The following TMEM178B variants were observed in gnomAD, a reference collection of about 807,000 sequenced individuals.
TMEM178B encodes transmembrane protein 178B.
TMEM178B carries 5 observed loss-of-function variants against 31.0 expected under a neutral mutation model. The ratio of observed to expected loss-of-function variants is 0.16; its 90% CI spans 0.08 to 0.34. TMEM178B has a LOEUF of 0.34. TMEM178B is among the 10% of genes least tolerant of loss of function. TMEM178B has a pLI of 1.00. For synonymous variants in TMEM178B, 164 were observed against 164.0 expected (o/e 1.00, Z 0.00); for missense variants, 275 against 400.3 (o/e 0.69, Z 2.67).
At chr7:141,452,240 TCTC>T (rs1386435591) in intron 3 of TMEM178B, among the ~76,000 whole-genome samples, 2 of 152,186 alleles carry the variant, frequency 1.3e-5, no homozygotes, top group Non-Finnish European at 2.9e-5. Context: ...TTTCTAGACA[TCTC>T]CACCTTTCTG....
intron 1 of TMEM178B, among the ~76,000 whole-genome samples, chr7:141,150,336 C>T (rs147143706): frequency 2.0e-5 from 3 of 152,268 alleles, no homozygotes; most frequent in African/African-American, 7.2e-5. Context: ...AGTCAGGATG[C>T]AATTTTTCCC....
chr7:141,214,717 C>A (rs994705327), intron 2 of TMEM178B, among the ~76,000 whole-genome samples: 1 of 152,032 alleles, frequency 6.6e-6, no homozygotes, highest in Non-Finnish European at 1.5e-5. Context: ...GTGGGGTCTT[C>A]TTTGAGCCCT....
At chr7:141,411,268 G>A (rs1398534644) in intron 2 of TMEM178B, among the ~76,000 whole-genome samples, 3 of 152,160 alleles carry the variant, frequency 2.0e-5, no homozygotes, top group Non-Finnish European at 2.9e-5. Flanking sequence ...TAGGGGTTGA[G>A]GAGAAGATGG....
At chr7:141,234,306 G>A (rs1034277324) in intron 2 of TMEM178B, among the ~76,000 whole-genome samples, 2 of 152,224 alleles carry the variant, frequency 1.3e-5, no homozygotes, top group Admixed American at 6.5e-5. Flanking sequence ...AGGTTAGGAT[G>A]ATCTGGTGAG....
intron 2 of TMEM178B, among the ~76,000 whole-genome samples, chr7:141,310,739 T>C (rs1461630651): frequency 6.6e-6 from 1 of 152,180 alleles, no homozygotes; most frequent in Non-Finnish European, 1.5e-5. Flanking sequence ...GAAGGCAGTG[T>C]AGCAATTACT....
chr7:141,273,659 G>A (rs1308326308), intron 2 of TMEM178B, among the ~76,000 whole-genome samples: 3 of 151,880 alleles, frequency 2.0e-5, no homozygotes, highest in East Asian at 1.9e-4. Context: ...TTATGACTGC[G>A]GAGAGAGTGT....
rs796924511 is a variant in TMEM178B at position 141,477,139 on chromosome 7, T to A, written c.*6353T>A. The A allele has an allele frequency of 3.2e-5, 5 of 154,964 alleles. No individual in the cohort carries two copies. Among genetic ancestry groups the A allele is most frequent in the African/African-American group, 1.2e-4 (5 of 41,654 alleles). The allele number at this position is 154,964 out of a possible 1,614,324, so 9.6% of individuals were successfully genotyped here. A position where few individuals can be genotyped will look rare whatever the true frequency, so the allele number is the denominator to read the frequency against. On this transcript the variant is annotated 3_prime_UTR_variant, in exon 4 of 4. Coordinates refer to ENST00000565468, the MANE Select transcript of TMEM178B (RefSeq NM_001195278.2). ...CATAGACCCTCTCCGTCTGTACCAG[T>A]GCGTCTGTGTTGTGAGCGTGACGAA...
intron 3 of TMEM178B, among the ~76,000 whole-genome samples, chr7:141,469,021 T>C (rs1802194070): frequency 6.6e-6 from 1 of 152,198 alleles, no homozygotes; most frequent in Non-Finnish European, 1.5e-5. Flanking sequence ...TTACTGTTCA[T>C]GTGGTTGACA....
chr7:141,456,459 C>T (rs763725268), intron 3 of TMEM178B, among the ~76,000 whole-genome samples: 1 of 152,138 alleles, frequency 6.6e-6, no homozygotes, highest in Non-Finnish European at 1.5e-5. Flanking sequence ...TCCTGATGTA[C>T]CCCCTGGTCA....
chr7:141,184,964 C>T (rs543288064), intron 1 of TMEM178B, among the ~76,000 whole-genome samples: 21 of 152,330 alleles, frequency 1.4e-4, no homozygotes, highest in African/African-American at 4.6e-4. Flanking sequence ...CTTACTGACC[C>T]TCTGGACGTG....
In TMEM178B at chr7:141,161,736, G is replaced by T. The variant is rs370717509; in HGVS notation, c.383-50855G>T. Among the ~76,000 whole-genome samples, 97 of 152,156 alleles carry T rather than the reference G, an allele frequency of 6.4e-4. 4 individuals carry two copies. Among genetic ancestry groups the T allele is most frequent in the African/African-American group, 2.0e-3 (85 of 41,508 alleles). On this transcript the variant is annotated intron_variant, in intron 1 of 3. Transcript: ENST00000565468. ...GCTGGACAGAACTTGACAACTGTGT[G>T]TGTGTCTGTATAGGTGAGAGAGTGG...
At chr7:141,150,018 C>T (rs1041026950) in intron 1 of TMEM178B, among the ~76,000 whole-genome samples, 1 of 152,052 alleles carries the variant, frequency 6.6e-6, no homozygotes, top group Non-Finnish European at 1.5e-5. Flanking sequence ...GGAAAGAGAG[C>T]AACTGAGGAC....
intron 2 of TMEM178B, among the ~76,000 whole-genome samples, chr7:141,395,493 T>C (rs1178072752): frequency 6.6e-6 from 1 of 152,130 alleles, no homozygotes; most frequent in Admixed American, 6.5e-5. Context: ...ATTGCTCAGT[T>C]TCCAGAGTTT....
chr7:141,440,417 CAG>C (rs1430463961), intron 3 of TMEM178B, among the ~76,000 whole-genome samples: 1 of 152,160 alleles, frequency 6.6e-6, no homozygotes, highest in African/African-American at 2.4e-5. Context: ...AATGTACAGC[CAG>C]AGTTGGGAAC....
At chr7:141,215,838 CTTTTCTTTTCT>C (rs753346784) in intron 2 of TMEM178B, among the ~76,000 whole-genome samples, 3 of 58,272 alleles carry the variant, frequency 5.1e-5, no homozygotes, top group Non-Finnish European at 7.9e-5. Context: ...TTCTTTCTTT[CTTTTCTTTTCT>C]TTTCTTTCTC....
chr7:141,342,572 G>C (rs1799533532), intron 2 of TMEM178B, among the ~76,000 whole-genome samples: 1 of 152,208 alleles, frequency 6.6e-6, no homozygotes, highest in Admixed American at 6.5e-5. Context: ...ACTTGGGCTA[G>C]GCTCACCTGT....
intron 2 of TMEM178B, among the ~76,000 whole-genome samples, chr7:141,219,228 G>A (rs527780188): frequency 1.3e-5 from 2 of 152,174 alleles, no homozygotes; most frequent in Admixed American, 6.5e-5. Flanking sequence ...AGAGGAATCC[G>A]AGGGTGAGGG....
At chr7:141,351,180 A>G (rs1397984533) in intron 2 of TMEM178B, among the ~76,000 whole-genome samples, 1 of 152,238 alleles carries the variant, frequency 6.6e-6, no homozygotes, top group Non-Finnish European at 1.5e-5. Context: ...AAGATAGTCC[A>G]TCTTTAGCTT....
intron 1 of TMEM178B, among the ~76,000 whole-genome samples, chr7:141,180,163 C>A (rs184743557): frequency 2.6e-5 from 4 of 152,170 alleles, no homozygotes; most frequent in Non-Finnish European, 1.5e-5. Context: ...AATTGATGGC[C>A]GTGTTTTAAA....
Sources: allele counts gnomAD v4.1 joint callset (sites outside exome capture counted in the v4.1 genomes callset), GRCh38; gene constraint gnomAD v4.1.1; transcripts MANE v1.5; gene names NCBI Gene and HGNC (gene_info 2026-07-23, HGNC 2026-07-21).